FAM107A: variants seen among roughly 807,000 people sequenced by gnomAD.
FAM107A encodes the protein family with sequence similarity 107 member A, also known as actin-associated protein FAM107A.
In FAM107A, 19 loss-of-function variants were observed where a neutral mutation model predicts 13.7. That is an observed-to-expected ratio of 1.38 (90% confidence interval 0.97 to 2.03). The LOEUF is 2.03. Ranked by LOEUF, FAM107A falls within the 30% of genes most tolerant of loss-of-function variation. FAM107A has a pLI of 0.00. For missense variants in FAM107A, 203 were observed against 184.4 expected (o/e 1.10, Z -0.58); for synonymous variants, 82 against 74.5 (o/e 1.10, Z -0.52).
chr3:58,587,554 T>C (rs2108062890), upstream of FAM107A, among the ~76,000 whole-genome samples: 1 of 151,820 alleles, frequency 6.6e-6, no homozygotes, highest in East Asian at 1.9e-4. Context: ...ACAAACACTA[T>C]ACAGTATACA....
rs577501993 is a variant in FAM107A, at chr3:58,617,580, G to C, written c.-70+9836C>G. On this transcript the variant is annotated intron_variant, in intron 1 of 3. Transcript: ENST00000465970. This position sits in a 1 kb window ranked among gnomAD's most constrained non-coding sequence, Gnocchi z 4.5. ...TACACAAAGCCCCTTGTTTATGTTA[G>C]TTTGGGAGACACAGTGTTCTGAAAG... Among the ~76,000 whole-genome samples, 1 of 152,294 alleles carries C rather than the reference G, an allele frequency of 6.6e-6. No homozygotes were observed. The highest frequency in any genetic ancestry group is 2.4e-5 in the African/African-American group (1 of 41,564).
At chr3:58,599,675 T>C (rs1250248709) in intron 1 of FAM107A, among the ~76,000 whole-genome samples, 1 of 144,998 alleles carries the variant, frequency 6.9e-6, no homozygotes, top group African/African-American at 2.5e-5. Context: ...TGTTAAGTGG[T>C]ATACTTAAAA....
chr3:58,570,486 G>A (rs1044541769), intron 1 of FAM107A: 47 of 490,358 alleles, frequency 9.6e-5, no homozygotes, highest in Non-Finnish European at 1.2e-4. Context: ...CTACCACAGC[G>A]GTTTGAAATC....
chr3:58,600,917 A>G (rs2065748065), intron 1 of FAM107A, among the ~76,000 whole-genome samples: 1 of 152,180 alleles, frequency 6.6e-6, no homozygotes, highest in Admixed American at 6.5e-5. Flanking sequence ...CGGGCACCAG[A>G]GCCATGCCCT....
At chr3:58,626,861 TG>T in intron 1 of FAM107A, 1 of 1,039,994 alleles carries the variant, frequency 9.6e-7, no homozygotes, top group Non-Finnish European at 1.4e-6. Flanking sequence ...GGAGGGCTGG[TG>T]GGCACTGCCG....
chr3:58,619,265 T>G (rs575301135), intron 1 of FAM107A, among the ~76,000 whole-genome samples: 2 of 152,326 alleles, frequency 1.3e-5, no homozygotes, highest in South Asian at 2.1e-4. Context: ...CCTCCCAAAC[T>G]GTTGGGATTA....
chr3:58,593,073 C>T (rs2065667233), intron 1 of FAM107A, among the ~76,000 whole-genome samples: 1 of 152,162 alleles, frequency 6.6e-6, no homozygotes, highest in Admixed American at 6.5e-5. Flanking sequence ...ATCTATAGTA[C>T]TCCAACTGCC....
At chr3:58,574,524 G>A (rs1466879653) in intron 1 of FAM107A, among the ~76,000 whole-genome samples, 1 of 152,188 alleles carries the variant, frequency 6.6e-6, no homozygotes, top group East Asian at 1.9e-4. Flanking sequence ...GTTCTTAGCA[G>A]CTGTGTGATC....
chr3:58,566,336 C>A lies in FAM107A; in HGVS notation c.*252G>T. 2.1e-6 allele frequency: 1 copy of A among 477,350 alleles called. No homozygotes were observed. Among genetic ancestry groups the A allele is most frequent in the Non-Finnish European group, 3.7e-6 (1 of 270,718 alleles). 29.6% of individuals were successfully genotyped at this position (477,350 alleles called of 1,614,324 possible). On this transcript the variant is annotated 3_prime_UTR_variant, in exon 4 of 4. Coordinates refer to ENST00000360997, the MANE Select transcript of FAM107A (RefSeq NM_001076778.3). ...GAAAGCTCCTGTGCTGGGCTCTGAA[C>A]CCCTTGCAGGGAGGGGTGCAGGTTA...
Position 58,623,094 on chromosome 3 carries a change from C to G in FAM107A, c.-70+4322G>C, listed in dbSNP as rs184888403. 1.3e-3 allele frequency among the ~76,000 whole-genome samples: 196 copies of G among 152,312 alleles called. 2 individuals carry two copies. Among genetic ancestry groups the G allele is most frequent in the African/African-American group, 4.6e-3 (191 of 41,562 alleles). On this transcript the variant is annotated intron_variant, in intron 1 of 3. Transcript: ENST00000465970. ...GGCCCTGAGCACCAGGCAGGCCCAT[C>G]CATCATCGGCAGGGAAAATTGTTCA...
upstream of FAM107A, among the ~76,000 whole-genome samples, chr3:58,580,841 GA>G (rs1291123054): frequency 1.3e-5 from 2 of 148,578 alleles, no homozygotes; most frequent in African/African-American, 2.5e-5. Context: ...GGTGTTAAAA[GA>G]AAAAAAAAGG....
At chr3:58,622,928 C>A (rs999563266) in intron 1 of FAM107A, among the ~76,000 whole-genome samples, 1 of 152,184 alleles carries the variant, frequency 6.6e-6, no homozygotes, top group African/African-American at 2.4e-5. Flanking sequence ...AGGTGCAAGG[C>A]CCCTTTCTCC....
intron 1 of FAM107A, among the ~76,000 whole-genome samples, chr3:58,615,373 C>G (rs1575457090): frequency 6.6e-6 from 1 of 151,918 alleles, no homozygotes; most frequent in Admixed American, 6.5e-5. Context: ...AAAACTATAA[C>G]CTTCTTCTTA....
At position 58,617,018 on chromosome 3, in the gene FAM107A, T is replaced by A. The variant is rs989915369; in HGVS notation, c.-70+10398A>T. On this transcript the variant is annotated intron_variant, in intron 1 of 3. Transcript: ENST00000465970. This position sits in a 1 kb window ranked among gnomAD's most constrained non-coding sequence, Gnocchi z 4.5. ...CAATCTCTTGACCTTGTGATCCGCCTGCCTCGGCCTCCCAAAGTGCTGGGA... is the reference window on the plus strand; with the variant it reads ...CAATCTCTTGACCTTGTGATCCGCCAGCCTCGGCCTCCCAAAGTGCTGGGA... Among the ~76,000 whole-genome samples, 2 of 152,166 alleles carry A rather than the reference T, an allele frequency of 1.3e-5. No individual in the cohort carries two copies. The highest frequency in any genetic ancestry group is 2.4e-5 in the African/African-American group (1 of 41,454).
At chr3:58,599,368 A>G (rs75784956) in intron 1 of FAM107A, among the ~76,000 whole-genome samples, 12 of 152,222 alleles carry the variant, frequency 7.9e-5, no homozygotes, top group African/African-American at 2.2e-4. Context: ...CAGGAAGTAC[A>G]TGTATTTAAG....
chr3:58,576,385 T>C (rs1022507818), intron 1 of FAM107A, among the ~76,000 whole-genome samples: 2 of 152,246 alleles, frequency 1.3e-5, no homozygotes, highest in African/African-American at 4.8e-5. Context: ...TGGACAGCAT[T>C]GTGCAGTTGA....
chr3:58,622,149 A>G (rs912682948), intron 1 of FAM107A, among the ~76,000 whole-genome samples: 1 of 152,186 alleles, frequency 6.6e-6, no homozygotes, highest in African/African-American at 2.4e-5. Flanking sequence ...GAGGGACAGC[A>G]TGAAAAAGCA....
chr3:58,582,592 G>T (rs776627987), upstream of FAM107A, among the ~76,000 whole-genome samples: 76 of 152,320 alleles, frequency 5.0e-4, no homozygotes, highest in Admixed American at 1.6e-3. Flanking sequence ...GGACTCTGGT[G>T]CCAACCCGGA....
At chr3:58,598,500 A>AC (rs1424086257) in intron 1 of FAM107A, among the ~76,000 whole-genome samples, 2 of 151,412 alleles carry the variant, frequency 1.3e-5, no homozygotes, top group Non-Finnish European at 2.9e-5. Context: ...GGAGCCACCC[A>AC]CCCCCCAGCA....
Sources: gnomAD v4.1 joint callset for allele counts (sites outside exome capture counted in the v4.1 genomes callset) on GRCh38, gnomAD v4.1.1 for gene constraint, Gnocchi (gnomAD v3.1) non-coding constraint, MANE v1.5 for transcripts, NCBI Gene and HGNC (gene_info 2026-07-23, HGNC 2026-07-21) for gene names.